Variants in RC3H1 observed in about 807,000 individuals in gnomAD.
RC3H1 encodes the protein roquin-1.
Under a neutral mutation model 138.2 loss-of-function variants are expected in RC3H1, and 50 were observed. The observed-to-expected ratio is 0.36, with a 90% CI of 0.29 to 0.46. The LOEUF is 0.46. RC3H1 is among the 20% of genes least tolerant of loss of function. The pLI, the probability that RC3H1 is intolerant of heterozygous loss-of-function variation, is 1.00. For synonymous variants in RC3H1, 462 were observed against 489.1 expected, an observed-to-expected ratio of 0.94 and a Z score of 0.73; for missense variants, 1,031 against 1,388.1, an observed-to-expected ratio of 0.74 and a Z score of 4.09.
At chr1:173,999,565 G>A (rs1407211265) in intron 1 of RC3H1, among the ~76,000 whole-genome samples, 1 of 152,120 alleles carries the variant, frequency 6.6e-6, no homozygotes, top group Admixed American at 6.5e-5. Flanking sequence ...TGTGAGCATC[G>A]ATGTTTAAGT....
At chr1:173,946,651 T>A in intron 16 of RC3H1, 43 bp from the exon 17 acceptor site, 3 of 1,608,666 alleles carry the variant, frequency 1.9e-6, no homozygotes, top group Non-Finnish European at 2.6e-6. Context: ...TAACATTTCA[T>A]TTTGTTAACA....
At chr1:173,942,513 C>T (rs1658929088) in intron 18 of RC3H1, among the ~76,000 whole-genome samples, 1 of 150,098 alleles carries the variant, frequency 6.7e-6, no homozygotes, top group Admixed American at 6.6e-5. Flanking sequence ...AAAAAACCTG[C>T]ATGCTCAATT....
chr1:173,959,957 T>C (rs1000515513), intron 13 of RC3H1, among the ~76,000 whole-genome samples: 1 of 150,726 alleles, frequency 6.6e-6, no homozygotes, highest in African/African-American at 2.4e-5. Context: ...AATACAAAAA[T>C]TATAGTCGGG....
rs954729899 is a variant in RC3H1, at chr1:173,931,469, T to C, written c.*7252A>G. On this transcript the variant is annotated 3_prime_UTR_variant, in exon 20 of 20. Coordinates refer to ENST00000367696, the MANE Select transcript of RC3H1 (RefSeq NM_172071.4). ...TTGATATAAACATGCACACAAATAA[T>C]ACAAAATTGAGAAAGATGGCCCTAG... 1.8e-4 allele frequency: 28 copies of C among 152,108 alleles called. No homozygotes were observed. The highest frequency in any genetic ancestry group is 6.0e-4 in the African/African-American group (25 of 41,418). 9.4% of individuals were successfully genotyped at this position (152,108 alleles called of 1,614,324 possible). A position where few individuals can be genotyped will look rare whatever the true frequency, so the allele number is the denominator to read the frequency against.
rs142229556 is a variant in RC3H1, at chr1:173,953,349, G to A, written c.2371-1211C>T. On this transcript the variant is annotated intron_variant, in intron 13 of 19. Transcript: ENST00000367696. ...GTGCAGTGGCATGATCTCTGCTCAC[G>A]CAACCTCTGCCTCCCAGGTTCAAGC... Among the ~76,000 whole-genome samples the A allele has an allele frequency of 1.2e-4, 18 of 152,104 alleles. No homozygotes were observed. In the East Asian group the frequency reaches 1.9e-3, roughly 16 times the overall value.
chr1:173,983,677 T>A lies in RC3H1; in HGVS notation c.353-20A>T. On this transcript the variant is annotated intron_variant, in intron 3 of 19. Transcript: ENST00000367696. ...CCACTCCTTTAAAAGAGTAAAGAAG[T>A]TATTCCTAGGTTCACAATGCAATTT... 1.2e-6 allele frequency: 2 copies of A among 1,610,310 alleles called. No homozygotes were observed. Among genetic ancestry groups the A allele is most frequent in the Non-Finnish European group, 1.7e-6 (2 of 1,177,862 alleles).
intron 13 of RC3H1, 51 bp downstream of exon 13, chr1:173,961,026 G>A (rs368557511): frequency 1.6e-5 from 25 of 1,558,702 alleles, no homozygotes; most frequent in Admixed American, 3.6e-5. Flanking sequence ...GACTTAAACC[G>A]GACACACACA....
At chr1:173,955,094 C>T (rs56232791) in intron 13 of RC3H1, among the ~76,000 whole-genome samples, 2,023 of 150,750 alleles carry the variant, frequency 0.013, 57 homozygotes, top group African/African-American at 0.047. Context: ...AGCGTGGTGG[C>T]GGGCGCCTGT....
At chr1:173,950,420 C>CAAAAAAAAAAAAAAGAAAA (rs1659340421) in intron 14 of RC3H1, among the ~76,000 whole-genome samples, 1 of 63,664 alleles carries the variant, frequency 1.6e-5, no homozygotes, top group Non-Finnish European at 3.0e-5. Flanking sequence ...TCATCTCTAC[C>CAAAAAAAAAAAAAAGAAAA]AAAAAAAAAA....
At chr1:173,956,140 A>AG (rs1261079505) in intron 13 of RC3H1, among the ~76,000 whole-genome samples, 1 of 151,070 alleles carries the variant, frequency 6.6e-6, no homozygotes, top group African/African-American at 2.4e-5. Flanking sequence ...CAAAAAAAAA[A>AG]AAAAAGAAAA....
intron 1 of RC3H1, among the ~76,000 whole-genome samples, chr1:174,001,815 C>T (rs1661569179): frequency 6.6e-6 from 1 of 152,108 alleles, no homozygotes; most frequent in Non-Finnish European, 1.5e-5. Context: ...TCAGTTTTTG[C>T]ATTAACACTC....
chr1:174,003,457 C>T (rs1188110247), intron 1 of RC3H1, among the ~76,000 whole-genome samples: 1 of 151,758 alleles, frequency 6.6e-6, no homozygotes, highest in African/African-American at 2.4e-5. Context: ...TCTTTTCTCA[C>T]ACCCCTACCC....
intron 19 of RC3H1, 49 bp downstream of exon 19, chr1:173,941,216 C>G (rs774820897): frequency 9.4e-7 from 1 of 1,068,180 alleles, no homozygotes; most frequent in South Asian, 1.3e-5. Flanking sequence ...ATATTAGTTT[C>G]TCTTTTGTGT....
In RC3H1 at chr1:173,939,742, G is replaced by A. The variant is rs1302187713; in HGVS notation, c.3252-871C>T. On this transcript the variant is annotated intron_variant, in intron 19 of 19. Coordinates refer to ENST00000367696, the MANE Select transcript of RC3H1 (RefSeq NM_172071.4). ...CCCAGCTACTCGGGAGGCTGAGGCA[G>A]GAGAATCACTTAAATCCAGGAGGCG... is the stretch of plus-strand genomic sequence containing the variant. 3.3e-5 allele frequency among the ~76,000 whole-genome samples: 5 copies of A among 151,248 alleles called. No homozygotes were observed. The East Asian group carries it at 7.8e-4, about 24-fold the overall frequency.
chr1:173,993,060 C>T lies in RC3H1; in HGVS notation c.-75G>A. The T allele has an allele frequency of 1.8e-6, 2 of 1,100,726 alleles. No individual in the cohort carries two copies. The highest frequency in any genetic ancestry group is 1.4e-5 in the South Asian group (1 of 71,262). 68.2% of individuals were successfully genotyped at this position (1,100,726 alleles called of 1,614,324 possible). ...GCAAAGATTCCACTGGAATCAAAAT[C>T]TTTGAAAAAAAGTTTATCTTTTTTT... On this transcript the variant is annotated 5_prime_UTR_variant, in exon 2 of 20. Coordinates refer to ENST00000367696, the MANE Select transcript of RC3H1 (RefSeq NM_172071.4).
In RC3H1 at chr1:173,964,515, G is replaced by A. The variant is rs1010649597; in HGVS notation, c.1616+324C>T. Among the ~76,000 whole-genome samples the A allele has an allele frequency of 1.2e-3, 188 of 152,126 alleles. 3 individuals are homozygous for A. Among genetic ancestry groups the A allele is most frequent in the Non-Finnish European group, 2.4e-4 (16 of 67,990 alleles). On this transcript the variant is annotated intron_variant, in intron 10 of 19. Coordinates refer to ENST00000367696, the MANE Select transcript of RC3H1 (RefSeq NM_172071.4). ...CCCAAGTAGCTGGGATTACAGGCATGTGCCACCATGCCTGGCTAATTTTTG... is the reference window on the plus strand; with the variant it reads ...CCCAAGTAGCTGGGATTACAGGCATATGCCACCATGCCTGGCTAATTTTTG...
At chr1:173,939,869 T>C (rs1003987837) in intron 19 of RC3H1, among the ~76,000 whole-genome samples, 10 of 151,758 alleles carry the variant, frequency 6.6e-5, no homozygotes, top group African/African-American at 2.4e-4. Flanking sequence ...AGATAGTGCA[T>C]GAATTAAAAA....
chr1:174,014,818 AGTGT>A (rs897408871), intron 1 of RC3H1, among the ~76,000 whole-genome samples: 5 of 152,152 alleles, frequency 3.3e-5, no homozygotes, highest in African/African-American at 1.2e-4. Flanking sequence ...TGGACTCCAA[AGTGT>A]ATGTTCTATT....
intron 1 of RC3H1, among the ~76,000 whole-genome samples, chr1:174,002,410 T>C (rs1661580764): frequency 6.6e-6 from 1 of 152,224 alleles, no homozygotes. Context: ...AATACTATCC[T>C]ATAGAATCCT....
Sources: gnomAD v4.1 joint callset for allele counts (sites outside exome capture counted in the v4.1 genomes callset) on GRCh38, gnomAD v4.1.1 for gene constraint, MANE v1.5 for transcripts, NCBI Gene and HGNC (gene_info 2026-07-23, HGNC 2026-07-21) for gene names.